Variants in PTPRD observed in about 807,000 individuals in gnomAD.
The protein encoded by PTPRD is receptor-type tyrosine-protein phosphatase delta.
Under a neutral mutation model 214.5 loss-of-function variants are expected in PTPRD, and 34 were observed. The ratio of observed to expected loss-of-function variants is 0.16; its 90% confidence interval spans 0.12 to 0.21. The LOEUF is 0.21. Among genes scored for constraint, PTPRD ranks in the 10% least tolerant of loss-of-function variants. The probability of loss-of-function intolerance (pLI) is 1.00; values close to 1 mark genes in which losing one functional copy is unlikely to be tolerated. For synonymous variants in PTPRD, 1,128 were observed against 845.7 expected (o/e 1.33, Z -5.79); for missense variants, 2,545 against 2,398.7 (o/e 1.06, Z -1.27).
intron 9 of PTPRD, among the ~76,000 whole-genome samples, chr9:9,280,666 A>C (rs1397434033): frequency 6.6e-6 from 1 of 151,360 alleles, no homozygotes; most frequent in African/African-American, 2.4e-5. Flanking sequence ...CATGTTAATG[A>C]ATAAGAAGAC....
chr9:8,439,604 C>T (rs147980492), intron 34 of PTPRD, among the ~76,000 whole-genome samples: 13 of 152,072 alleles, frequency 8.5e-5, no homozygotes, highest in Admixed American at 5.9e-4. Context: ...GACCGAATGT[C>T]GGCATAAAAA....
intron 9 of PTPRD, among the ~76,000 whole-genome samples, chr9:9,352,127 C>A (rs1247925318): frequency 6.6e-6 from 1 of 151,724 alleles, no homozygotes; most frequent in African/African-American, 2.4e-5. Context: ...TTTTTATCAG[C>A]TTGATTTTTG....
intron 10 of PTPRD, among the ~76,000 whole-genome samples, chr9:9,150,190 T>A (rs963721321): frequency 1.3e-5 from 2 of 152,120 alleles, no homozygotes; most frequent in Admixed American, 1.3e-4. Context: ...TGTCTTGTTA[T>A]GTGCTTTTTA....
At chr9:8,542,893 T>C (rs2078848537) in intron 14 of PTPRD, among the ~76,000 whole-genome samples, 1 of 152,176 alleles carries the variant, frequency 6.6e-6, no homozygotes, top group Non-Finnish European at 1.5e-5. Flanking sequence ...TTTGCATCAG[T>C]TTTCTCCACT....
chr9:8,815,108 G>GTT (rs58257255), intron 11 of PTPRD, among the ~76,000 whole-genome samples: 39 of 146,324 alleles, frequency 2.7e-4, no homozygotes, highest in African/African-American at 8.7e-4. Flanking sequence ...ATATAATTTA[G>GTT]TTTTTTTTTT....
intron 12 of PTPRD, among the ~76,000 whole-genome samples, chr9:8,726,288 C>G (rs78744465): frequency 6.6e-6 from 1 of 151,844 alleles, no homozygotes; most frequent in Non-Finnish European, 1.5e-5. Context: ...GTCAAGGTTA[C>G]TTGAAATGGG....
chr9:9,809,483 C>G (rs948379971), intron 5 of PTPRD, among the ~76,000 whole-genome samples: 1 of 152,080 alleles, frequency 6.6e-6, no homozygotes, highest in Non-Finnish European at 1.5e-5. Flanking sequence ...ACAGGATGGT[C>G]TCTATCTCCT....
chr9:9,206,495 G>C (rs771704215), intron 9 of PTPRD, among the ~76,000 whole-genome samples: 65 of 152,140 alleles, frequency 4.3e-4, no homozygotes, highest in Non-Finnish European at 1.3e-4. Flanking sequence ...TATTGTTCTT[G>C]AGTGTGTCTG....
chr9:10,463,758 A>G (rs1264473876), intron 2 of PTPRD, among the ~76,000 whole-genome samples: 1 of 152,092 alleles, frequency 6.6e-6, no homozygotes, highest in African/African-American at 2.4e-5. Context: ...TACAAAAAAG[A>G]GGTGTGATCC....
At chr9:8,585,591 T>G (rs1024460093) in intron 14 of PTPRD, among the ~76,000 whole-genome samples, 1 of 152,200 alleles carries the variant, frequency 6.6e-6, no homozygotes, top group Non-Finnish European at 1.5e-5. Context: ...CCAACCACCA[T>G]ACATTGCAAA....
At chr9:8,641,682 A>G (rs1374107309) in intron 12 of PTPRD, among the ~76,000 whole-genome samples, 2 of 152,216 alleles carry the variant, frequency 1.3e-5, no homozygotes, top group East Asian at 1.9e-4. Context: ...CATTCTCAGG[A>G]TGCATTCACA....
chr9:9,886,570 C>G (rs2071010268), intron 5 of PTPRD, among the ~76,000 whole-genome samples: 1 of 152,116 alleles, frequency 6.6e-6, no homozygotes, highest in African/African-American at 2.4e-5. Context: ...TATCTTCTAT[C>G]TCAGAAGAAA....
intron 2 of PTPRD, among the ~76,000 whole-genome samples, chr9:10,493,178 G>C (rs927810847): frequency 6.6e-6 from 1 of 152,004 alleles, no homozygotes; most frequent in Non-Finnish European, 1.5e-5. Flanking sequence ...ACTACCTAAA[G>C]TAATTTTTGG....
rs3075573 is a variant in PTPRD at position 10,181,942 on chromosome 9, T to TAAAAAAAAAA, written c.-544-148162_-544-148153dup. 2.1e-4 allele frequency among the ~76,000 whole-genome samples: 8 copies of TAAAAAAAAAA among 38,510 alleles called. 1 individual carries two copies. The highest frequency in any genetic ancestry group is 6.1e-4 in the Admixed American group (2 of 3,266). The allele number at this position is 38,510 out of a possible 152,430, so 25.3% of individuals were successfully genotyped here. On this transcript the variant is annotated intron_variant, in intron 3 of 45. Coordinates refer to ENST00000381196, the MANE Select transcript of PTPRD (RefSeq NM_002839.4). ...AAATATGACTATGTATCATAAATAC[T>TAAAAAAAAAA]AAAAAAAAAAAAAAAAAAAAAAAAA...
intron 2 of PTPRD, among the ~76,000 whole-genome samples, chr9:10,362,647 C>T (rs1267642097): frequency 6.6e-6 from 1 of 151,952 alleles, no homozygotes; most frequent in African/African-American, 2.4e-5. Context: ...TTTGGGAGGC[C>T]GAGGCTGGCA....
chr9:8,757,273 T>A (rs2094067043), intron 11 of PTPRD, among the ~76,000 whole-genome samples: 1 of 152,030 alleles, frequency 6.6e-6, no homozygotes, highest in Non-Finnish European at 1.5e-5. Flanking sequence ...TATCTGAAAA[T>A]ATAGGGAATG....
intron 5 of PTPRD, among the ~76,000 whole-genome samples, chr9:9,878,832 A>AG: frequency 6.6e-6 from 1 of 152,224 alleles, no homozygotes; most frequent in South Asian, 2.1e-4. Context: ...CCACAACTAA[A>AG]AAAGATGAAG....
intron 11 of PTPRD, among the ~76,000 whole-genome samples, chr9:8,925,291 T>C (rs2085697028): frequency 6.6e-6 from 1 of 152,094 alleles, no homozygotes; most frequent in Non-Finnish European, 1.5e-5. Context: ...AAGGGTGCTC[T>C]TATAGGCAGG....
intron 3 of PTPRD, among the ~76,000 whole-genome samples, chr9:10,148,687 T>C (rs1392673321): frequency 6.6e-6 from 1 of 152,172 alleles, no homozygotes; most frequent in African/African-American, 2.4e-5. Context: ...AATCTCAATT[T>C]TGGCTGATAG....
Sources: allele counts gnomAD v4.1 joint callset (sites outside exome capture counted in the v4.1 genomes callset), GRCh38; gene constraint gnomAD v4.1.1; transcripts MANE v1.5; gene names NCBI Gene and HGNC (gene_info 2026-07-23, HGNC 2026-07-21).